Variants in TAOK3 observed in about 807,000 individuals in gnomAD.
TAOK3 encodes serine/threonine-protein kinase TAO3.
In TAOK3, 40 loss-of-function variants were observed where a neutral mutation model predicts 120.4. The observed-to-expected ratio is 0.33, with a 90% CI of 0.26 to 0.43. The LOEUF is 0.43. Ranked by LOEUF, TAOK3 falls within the 20% of genes least tolerant of loss-of-function variation. The probability of loss-of-function intolerance (pLI) is 1.00; values close to 1 mark genes in which losing one functional copy is unlikely to be tolerated. For synonymous variants in TAOK3, 355 were observed against 387.5 expected (o/e 0.92, Z 0.99); for missense variants, 821 against 1,112.1 (o/e 0.74, Z 3.72).
chr12:118,302,089 TC>T (rs1425713287), intron 1 of TAOK3, among the ~76,000 whole-genome samples: 1 of 152,194 alleles, frequency 6.6e-6, no homozygotes, highest in Non-Finnish European at 1.5e-5. Flanking sequence ...GGTTTTTTTG[TC>T]ATTCTCTGTC....
intron 5 of TAOK3, 58 bp from the exon 6 acceptor site, chr12:118,239,330 A>T: frequency 2.1e-6 from 2 of 958,928 alleles, no homozygotes; most frequent in East Asian, 5.1e-5. Flanking sequence ...AACTGCTGAA[A>T]CCAACTAAAC....
chr12:118,156,845 C>T (rs2034862828), intron 19 of TAOK3, among the ~76,000 whole-genome samples: 1 of 152,026 alleles, frequency 6.6e-6, no homozygotes, highest in African/African-American at 2.4e-5. Flanking sequence ...CCAAGCGATT[C>T]TCCCGCCTCA....
At chr12:118,250,133 AT>A (rs574980560) in intron 3 of TAOK3, among the ~76,000 whole-genome samples, 8 of 148,206 alleles carry the variant, frequency 5.4e-5, no homozygotes, top group South Asian at 2.1e-4. Flanking sequence ...TATTTTTTTA[AT>A]TTTTTTTTTA....
chr12:118,334,083 C>T (rs1409560536), intron 1 of TAOK3, among the ~76,000 whole-genome samples: 11 of 143,746 alleles, frequency 7.7e-5, no homozygotes, highest in East Asian at 2.0e-4. Flanking sequence ...TGCAGTGAGC[C>T]GAGATTGCAC....
chr12:118,254,799 C>T (rs1206708347), intron 3 of TAOK3, among the ~76,000 whole-genome samples: 3 of 152,002 alleles, frequency 2.0e-5, no homozygotes, highest in Non-Finnish European at 4.4e-5. Flanking sequence ...ACTCTGTTGC[C>T]CAGGCCAGAG....
chr12:118,366,676 G>C (rs1328348896), intron 1 of TAOK3, among the ~76,000 whole-genome samples: 3 of 152,184 alleles, frequency 2.0e-5, no homozygotes, highest in African/African-American at 7.2e-5. Context: ...ACTGAGGCCA[G>C]AGGTGAAGTG....
chr12:118,250,749 T>TAAAAG (rs1485970267), intron 3 of TAOK3, among the ~76,000 whole-genome samples: 1 of 152,146 alleles, frequency 6.6e-6, no homozygotes, highest in South Asian at 2.1e-4. Flanking sequence ...AAAACTGCAA[T>TAAAAG]TCTGATATGT....
chr12:118,285,423 GCT>G (rs2042233513), intron 1 of TAOK3, among the ~76,000 whole-genome samples: 1 of 151,688 alleles, frequency 6.6e-6, no homozygotes, highest in Non-Finnish European at 1.5e-5. Flanking sequence ...CGTGATCTCA[GCT>G]CACTGCAACC....
At chr12:118,364,964 T>TA (rs1352647325) in intron 1 of TAOK3, among the ~76,000 whole-genome samples, 3 of 152,206 alleles carry the variant, frequency 2.0e-5, no homozygotes, top group African/African-American at 7.2e-5. Context: ...CTTGGCACTT[T>TA]AAAAAAATCA....
chr12:118,181,762 G>A (rs1243047486), intron 14 of TAOK3, among the ~76,000 whole-genome samples, 155 bp from the exon 15 acceptor site: 1 of 152,202 alleles, frequency 6.6e-6, no homozygotes, highest in Non-Finnish European at 1.5e-5. Context: ...GGGGCACTGT[G>A]CTAGATAGAT....
At chr12:118,364,622 A>C (rs1216494193) in intron 1 of TAOK3, among the ~76,000 whole-genome samples, 1 of 152,192 alleles carries the variant, frequency 6.6e-6, no homozygotes, top group East Asian at 1.9e-4. Flanking sequence ...TGATTAAAAT[A>C]AGAGGCCAGG....
rs188418899 is a variant in TAOK3 at position 118,294,586 on chromosome 12, G to A, written c.-193-27827C>T. Reference sequence around the variant, plus strand: ...TTTAGTAGAGATGGGGTTTCACCATGTTGACCAGGCTGGTCTTGAACTCCT... The same window carrying A: ...TTTAGTAGAGATGGGGTTTCACCATATTGACCAGGCTGGTCTTGAACTCCT... On this transcript the variant is annotated intron_variant, in intron 1 of 20. Coordinates refer to ENST00000392533, the MANE Select transcript of TAOK3 (RefSeq NM_016281.4). Among the ~76,000 whole-genome samples the A allele has an allele frequency of 3.4e-4, 51 of 152,148 alleles. 2 individuals are homozygous for A. The East Asian group carries it at 9.3e-3, about 28-fold the overall frequency.
At chr12:118,238,213 T>C in intron 6 of TAOK3, 44 bp from the exon 7 acceptor site, 2 of 1,207,376 alleles carry the variant, frequency 1.7e-6, no homozygotes, top group Non-Finnish European at 2.4e-6. Flanking sequence ...ATCAGTTTCA[T>C]TCCTCATTTT....
chr12:118,177,781 C>G (rs948766957), intron 15 of TAOK3, among the ~76,000 whole-genome samples: 6 of 151,850 alleles, frequency 4.0e-5, no homozygotes, highest in African/African-American at 1.5e-4. Flanking sequence ...TGAGATCACA[C>G]CACTGCACTC....
chr12:118,238,794 C>T (rs1565995656), intron 6 of TAOK3, among the ~76,000 whole-genome samples: 2 of 152,092 alleles, frequency 1.3e-5, no homozygotes, highest in Non-Finnish European at 2.9e-5. Flanking sequence ...GCCTCTGTGC[C>T]TGGCTCAAGA....
At chr12:118,338,323 G>A (rs1365956962) in intron 1 of TAOK3, among the ~76,000 whole-genome samples, 2 of 152,150 alleles carry the variant, frequency 1.3e-5, no homozygotes, top group East Asian at 3.9e-4. Flanking sequence ...CTAACAGAGG[G>A]AAGAGACAGC....
intron 1 of TAOK3, chr12:118,283,535 AC>A (rs1203094958): frequency 6.5e-6 from 1 of 153,502 alleles, no homozygotes; most frequent in African/African-American, 2.4e-5. Flanking sequence ...ATCGAGACCA[AC>A]CTGACCAACA....
intron 1 of TAOK3, among the ~76,000 whole-genome samples, chr12:118,271,299 A>T (rs1593366091): frequency 6.6e-6 from 1 of 152,216 alleles, no homozygotes; most frequent in South Asian, 2.1e-4. Context: ...CCATACATAC[A>T]CACACAAAAC....
intron 1 of TAOK3, among the ~76,000 whole-genome samples, chr12:118,328,430 G>A (rs1442609895): frequency 2.1e-4 from 32 of 152,202 alleles, no homozygotes; most frequent in Admixed American, 2.1e-3. Flanking sequence ...TAATACAAAC[G>A]TTACTTTCAG....
Sources: allele counts gnomAD v4.1 joint callset (sites outside exome capture counted in the v4.1 genomes callset), GRCh38; gene constraint gnomAD v4.1.1; transcripts MANE v1.5; gene names NCBI Gene and HGNC (gene_info 2026-07-23, HGNC 2026-07-21).